Variants in SGCZ observed in about 807,000 individuals in gnomAD.
The protein encoded by SGCZ is zeta-sarcoglycan.
Under a neutral mutation model 41.3 loss-of-function variants are expected in SGCZ, and 40 were observed. The ratio of observed to expected loss-of-function variants is 0.97; its 90% CI spans 0.75 to 1.26. The LOEUF (loss-of-function observed/expected upper bound fraction) is 1.26. Ranked by LOEUF, SGCZ falls within the 50% of genes most tolerant of loss-of-function variation. SGCZ has a pLI of 0.00. For missense variants in SGCZ, 552 were observed against 369.8 expected (o/e 1.49, Z -4.04); for synonymous variants, 206 against 137.5 (o/e 1.50, Z -3.49).
intron 6 of SGCZ, among the ~76,000 whole-genome samples, chr8:14,103,074 A>G (rs1450166507): frequency 6.6e-6 from 1 of 152,188 alleles, no homozygotes; most frequent in Non-Finnish European, 1.5e-5. Flanking sequence ...TTCTACATCA[A>G]CTAATTCTGT....
intron 2 of SGCZ, among the ~76,000 whole-genome samples, chr8:14,425,273 G>A (rs1799746910): frequency 6.6e-6 from 1 of 152,060 alleles, no homozygotes; most frequent in South Asian, 2.1e-4. Flanking sequence ...TAGTCTGACA[G>A]GTGATATAAT....
chr8:14,679,107 T>C (rs1257482948), intron 1 of SGCZ, among the ~76,000 whole-genome samples: 1 of 152,166 alleles, frequency 6.6e-6, no homozygotes, highest in African/African-American at 2.4e-5. Flanking sequence ...GTGTTTGAGG[T>C]AGTGCAGGTA....
intron 1 of SGCZ, among the ~76,000 whole-genome samples, chr8:14,591,057 A>G (rs1025854355): frequency 6.6e-6 from 1 of 151,324 alleles, no homozygotes; most frequent in Non-Finnish European, 1.5e-5. Context: ...GACTTGCTCA[A>G]TGTTGTGAAA....
chr8:14,823,862 A>G (rs1802197391), intron 1 of SGCZ, among the ~76,000 whole-genome samples: 1 of 152,186 alleles, frequency 6.6e-6, no homozygotes, highest in African/African-American at 2.4e-5. Context: ...TAAAGATTAT[A>G]TGGAATAGAT....
intron 2 of SGCZ, among the ~76,000 whole-genome samples, chr8:14,552,441 C>T (rs995461852): frequency 6.6e-6 from 1 of 151,836 alleles, no homozygotes; most frequent in Non-Finnish European, 1.5e-5. Flanking sequence ...AAATAGTTTT[C>T]GTGGGTGAAG....
intron 1 of SGCZ, among the ~76,000 whole-genome samples, chr8:15,208,785 G>A (rs1181790352): frequency 1.3e-5 from 2 of 149,588 alleles, no homozygotes; most frequent in Admixed American, 6.6e-5. Flanking sequence ...ACTGCAAGAT[G>A]CTAATAATCC....
intron 1 of SGCZ, among the ~76,000 whole-genome samples, chr8:15,013,661 C>T (rs1019340322): frequency 6.6e-6 from 1 of 152,190 alleles, no homozygotes; most frequent in Admixed American, 6.5e-5. Flanking sequence ...CCAGCACTTA[C>T]CACCAAGTCT....
intron 2 of SGCZ, among the ~76,000 whole-genome samples, chr8:14,513,198 A>G (rs537163046): frequency 1.3e-5 from 2 of 151,458 alleles, no homozygotes; most frequent in South Asian, 4.2e-4. Context: ...ATGTTCCACC[A>G]CTCCCAGCTA....
intron 1 of SGCZ, among the ~76,000 whole-genome samples, chr8:14,772,844 T>C (rs1295386587): frequency 2.6e-5 from 4 of 152,054 alleles, no homozygotes; most frequent in Non-Finnish European, 2.9e-5. Flanking sequence ...ACATTTGGGT[T>C]GGTTCCAAGT....
At chr8:14,490,144 G>C (rs1289399659) in intron 2 of SGCZ, among the ~76,000 whole-genome samples, 1 of 152,070 alleles carries the variant, frequency 6.6e-6, no homozygotes, top group Non-Finnish European at 1.5e-5. Flanking sequence ...GGGATTACAG[G>C]TGTGAGCCAC....
chr8:15,176,919 T>C (rs967693219), intron 1 of SGCZ, among the ~76,000 whole-genome samples: 2 of 152,076 alleles, frequency 1.3e-5, no homozygotes, highest in African/African-American at 4.8e-5. Context: ...GACAATGGCG[T>C]GAACCCAGGA....
intron 1 of SGCZ, among the ~76,000 whole-genome samples, chr8:14,614,910 T>C (rs930314748): frequency 6.6e-6 from 1 of 152,172 alleles, no homozygotes; most frequent in Non-Finnish European, 1.5e-5. Flanking sequence ...GTTTTATCAC[T>C]TTATATGTAT....
chr8:14,872,651 C>T (rs1449590328), intron 1 of SGCZ, among the ~76,000 whole-genome samples: 1 of 151,988 alleles, frequency 6.6e-6, no homozygotes, highest in African/African-American at 2.4e-5. Flanking sequence ...TTCAACATAA[C>T]CTAAAGGCAC....
intron 3 of SGCZ, among the ~76,000 whole-genome samples, chr8:14,275,275 ACT>A (rs909860874): frequency 3.3e-5 from 5 of 152,092 alleles, no homozygotes; most frequent in Non-Finnish European, 5.9e-5. Flanking sequence ...TCCATTGCCT[ACT>A]CTCTCAGTAG....
At chr8:14,223,835 C>T (rs1230548544) in intron 4 of SGCZ, among the ~76,000 whole-genome samples, 1 of 152,156 alleles carries the variant, frequency 6.6e-6, no homozygotes, top group Non-Finnish European at 1.5e-5. Context: ...CTACCTTCTG[C>T]TTTTTCTCCC....
intron 1 of SGCZ, among the ~76,000 whole-genome samples, chr8:14,567,394 T>C (rs1478182039): frequency 6.6e-6 from 1 of 152,106 alleles, no homozygotes. Context: ...GGTTTGTAAA[T>C]ACACCAGTGG....
At chr8:14,261,057 C>T (rs1799648100) in intron 3 of SGCZ, among the ~76,000 whole-genome samples, 2 of 152,048 alleles carry the variant, frequency 1.3e-5, no homozygotes, top group Non-Finnish European at 1.5e-5. Context: ...TGTAACTAAC[C>T]TGCCCAATGT....
intron 1 of SGCZ, among the ~76,000 whole-genome samples, chr8:15,066,315 C>CA (rs34127345): frequency 0.027 from 2,897 of 106,846 alleles, 92 homozygotes; most frequent in African/African-American, 0.092. Flanking sequence ...ACTCCGTCTC[C>CA]AAAAAAAAAA....
At chr8:14,427,880 A>G (rs1799830861) in intron 2 of SGCZ, among the ~76,000 whole-genome samples, 1 of 152,206 alleles carries the variant, frequency 6.6e-6, no homozygotes, top group African/African-American at 2.4e-5. Context: ...TGAAAATAAA[A>G]ATAATGCATT....
Sources: gnomAD v4.1 joint callset for allele counts (sites outside exome capture counted in the v4.1 genomes callset) on GRCh38, gnomAD v4.1.1 for gene constraint, MANE v1.5 for transcripts, NCBI Gene and HGNC (gene_info 2026-07-23, HGNC 2026-07-21) for gene names.